DACH1: variants seen among roughly 807,000 people sequenced by gnomAD.
DACH1 encodes the protein dachshund family transcription factor 1.
Under a neutral mutation model 54.2 loss-of-function variants are expected in DACH1, and 12 were observed. That is an observed-to-expected ratio of 0.22 (90% CI 0.14 to 0.36). The LOEUF (loss-of-function observed/expected upper bound fraction) is 0.36. Ranked by LOEUF, DACH1 falls within the 10% of genes least tolerant of loss-of-function variation. The pLI is 1.00. For synonymous variants in DACH1, 386 were observed against 366.2 expected (o/e 1.05, Z -0.62); for missense variants, 805 against 929.8 (o/e 0.87, Z 1.75).
intron 3 of DACH1, among the ~76,000 whole-genome samples, chr13:71,582,290 C>G (rs757936479): frequency 6.6e-6 from 1 of 152,078 alleles, no homozygotes; most frequent in Admixed American, 6.6e-5. Context: ...TTATAATATT[C>G]AAGTTTCTCC....
At chr13:71,616,948 C>T (rs1875822183) in intron 3 of DACH1, among the ~76,000 whole-genome samples, 2 of 148,466 alleles carry the variant, frequency 1.3e-5, no homozygotes, top group East Asian at 4.0e-4. Flanking sequence ...ATGGCGCGAT[C>T]TTGGCTCACT....
rs148480442 is a variant in DACH1 at position 71,571,197 on chromosome 13, A to C, written c.1299+1643T>G. On this transcript the variant is annotated intron_variant, in intron 4 of 10. Coordinates refer to ENST00000613252, the MANE Select transcript of DACH1 (RefSeq NM_080759.6). ...TTAATATTATGAGATGATTCTTTAT[A>C]GTAATCACGACCAGATTTTTTTAAT... Among the ~76,000 whole-genome samples, 659 of 152,318 alleles carry C rather than the reference A, an allele frequency of 4.3e-3. 4 individuals are homozygous for C. Among genetic ancestry groups the C allele is most frequent in the African/African-American group, 0.015 (637 of 41,570 alleles).
At chr13:71,747,140 G>A (rs982125598) in intron 1 of DACH1, among the ~76,000 whole-genome samples, 10 of 151,496 alleles carry the variant, frequency 6.6e-5, no homozygotes, top group African/African-American at 9.7e-5. Flanking sequence ...GCAAAGGAAC[G>A]GTAATTTTTA....
chr13:71,476,904 T>C (rs981483894), intron 8 of DACH1, among the ~76,000 whole-genome samples: 10 of 151,516 alleles, frequency 6.6e-5, no homozygotes, highest in African/African-American at 2.4e-4. Context: ...AGACTCAGTA[T>C]GAGAAAATGC....
intron 4 of DACH1, among the ~76,000 whole-genome samples, chr13:71,570,783 A>AT (rs1253715498): frequency 6.6e-6 from 1 of 152,114 alleles, no homozygotes; most frequent in Admixed American, 6.5e-5. Context: ...CTTCCCAATC[A>AT]TTGAGTCCTG....
rs2138375483 is a variant in DACH1, at chr13:71,556,976, A to T, written c.1570+48T>A. The T allele has an allele frequency of 3.9e-6, 6 of 1,520,746 alleles. No individual in the cohort carries two copies. In the East Asian group the frequency reaches 1.5e-4, roughly 37 times the overall value. The allele number at this position is 1,520,746 out of a possible 1,614,324, so 94.2% of individuals were successfully genotyped here. A position where few individuals can be genotyped will look rare whatever the true frequency, so the allele number is the denominator to read the frequency against. ...CATTGTGTGATTAAAATCTAGTTCT[A>T]AAATCTATTGAATCGGGAAAAACAA... On this transcript the variant is annotated intron_variant, in intron 6 of 10. Transcript: ENST00000613252.
intron 1 of DACH1, among the ~76,000 whole-genome samples, chr13:71,742,903 T>C (rs984756227): frequency 2.6e-5 from 4 of 152,180 alleles, no homozygotes; most frequent in African/African-American, 9.6e-5. Flanking sequence ...TTATTCCATG[T>C]GCTATTTCTC....
At chr13:71,746,152 A>T (rs1331863713) in intron 1 of DACH1, among the ~76,000 whole-genome samples, 1 of 152,206 alleles carries the variant, frequency 6.6e-6, no homozygotes, top group South Asian at 2.1e-4. Flanking sequence ...CGGGAGGCAG[A>T]GGTTGCGCTG....
At chr13:71,568,573 T>A (rs1159232648) in intron 4 of DACH1, among the ~76,000 whole-genome samples, 1 of 152,008 alleles carries the variant, frequency 6.6e-6, no homozygotes, top group Non-Finnish European at 1.5e-5. Flanking sequence ...TTTCTTCAAA[T>A]AAAATATAAC....
chr13:71,568,784 T>C (rs983436652), intron 4 of DACH1, among the ~76,000 whole-genome samples: 2 of 152,100 alleles, frequency 1.3e-5, no homozygotes, highest in Non-Finnish European at 2.9e-5. Context: ...TTGCTTTATG[T>C]TCTATGAATG....
chr13:71,738,731 CAAAAAAA>C (rs34856567), intron 1 of DACH1, among the ~76,000 whole-genome samples: 5 of 24,062 alleles, frequency 2.1e-4, no homozygotes, highest in African/African-American at 3.5e-4. Context: ...GACTCTGTCT[CAAAAAAA>C]AAAAAAAAAA....
At chr13:71,766,507 C>G (rs9572783) in intron 1 of DACH1, among the ~76,000 whole-genome samples, 21,838 of 152,104 alleles carry the variant, frequency 0.14, 3,444 homozygotes, top group East Asian at 0.84. Context: ...TAGCCCTGAT[C>G]CCAGTGATTG....
At chr13:71,818,318 A>G (rs996571835) in intron 1 of DACH1, among the ~76,000 whole-genome samples, 1 of 152,212 alleles carries the variant, frequency 6.6e-6, no homozygotes, top group Admixed American at 6.5e-5. Flanking sequence ...TTGTCTGTGA[A>G]GGTCACTCTG....
intron 1 of DACH1, among the ~76,000 whole-genome samples, chr13:71,733,590 C>T (rs1395908736): frequency 1.3e-5 from 2 of 152,086 alleles, no homozygotes; most frequent in African/African-American, 4.8e-5. Context: ...GTGGTTTAGA[C>T]AGCACACAGG....
intron 3 of DACH1, among the ~76,000 whole-genome samples, chr13:71,625,443 T>C (rs1876575955): frequency 1.3e-5 from 2 of 152,038 alleles, no homozygotes; most frequent in Admixed American, 1.3e-4. Flanking sequence ...TAAACTATTT[T>C]GTTTCTGCAG....
chr13:71,859,967 G>A lies in DACH1; in HGVS notation c.848+5955C>T, dbSNP rs79268143. 1.8e-3 allele frequency among the ~76,000 whole-genome samples: 269 copies of A among 151,916 alleles called. 1 individual carries two copies. The highest frequency in any genetic ancestry group is 6.3e-3 in the African/African-American group (261 of 41,534). On this transcript the variant is annotated intron_variant, in intron 1 of 10. Transcript: ENST00000613252. ...ACAGAGCCTCTGCTGTGCCTGAGAT[G>A]TACATATCTGTGCAGATCAGAGCCT...
intron 2 of DACH1, among the ~76,000 whole-genome samples, chr13:71,670,189 A>T (rs933284243): frequency 3.9e-5 from 6 of 152,330 alleles, no homozygotes; most frequent in African/African-American, 1.4e-4. Context: ...CCCATTAATT[A>T]TACTGACTAA....
chr13:71,532,530 CTTAATTATG>C (rs1258690652), intron 6 of DACH1, among the ~76,000 whole-genome samples: 1 of 151,680 alleles, frequency 6.6e-6, no homozygotes, highest in Non-Finnish European at 1.5e-5. Context: ...AAATATATAC[CTTAATTATG>C]TTAATTATGA....
chr13:71,639,055 T>C (rs958934411), intron 2 of DACH1, among the ~76,000 whole-genome samples: 4 of 152,158 alleles, frequency 2.6e-5, no homozygotes, highest in African/African-American at 4.8e-5. Context: ...TACAACTCAA[T>C]TGAAATCACT....
Sources: allele counts gnomAD v4.1 joint callset (sites outside exome capture counted in the v4.1 genomes callset), GRCh38; gene constraint gnomAD v4.1.1; transcripts MANE v1.5; gene names NCBI Gene and HGNC (gene_info 2026-07-23, HGNC 2026-07-21).